BCL2L11: variants seen among roughly 807,000 people sequenced by gnomAD.
BCL2L11 encodes bcl-2-like protein 11.
A neutral mutation model predicts 20.6 loss-of-function variants in BCL2L11; 15 were observed. That is an observed-to-expected ratio of 0.73 (90% CI 0.49 to 1.12). The LOEUF (loss-of-function observed/expected upper bound fraction) is 1.12, where lower values mean the gene tolerates loss of function less well. BCL2L11 is among the 50% of genes most tolerant of loss of function. The pLI, the probability that BCL2L11 is intolerant of heterozygous loss-of-function variation, is 0.00. For synonymous variants in BCL2L11, 108 were observed against 92.8 expected, an observed-to-expected ratio of 1.16 and a Z score of -0.94; for missense variants, 292 against 260.9, an observed-to-expected ratio of 1.12 and a Z score of -0.82.
At chr2:111,122,665 C>G (rs2071366214) in intron 1 of BCL2L11, 1 of 983,620 alleles carries the variant, frequency 1.0e-6, no homozygotes, top group African/African-American at 1.8e-5. Context: ...ATGTTCCCGG[C>G]GGCTGCGGCC....
At chr2:111,122,294 T>C (rs1559001008) in intron 1 of BCL2L11, among the ~76,000 whole-genome samples, 1 of 151,954 alleles carries the variant, frequency 6.6e-6, no homozygotes. Context: ...AAGTCCTGCT[T>C]TGTCTCCAGG....
chr2:111,123,420 G>C (rs776051879), intron 1 of BCL2L11: 1 of 985,478 alleles, frequency 1.0e-6, no homozygotes. Flanking sequence ...GAAGAAGTCT[G>C]TCCTGGGCAA....
At position 111,124,133 on chromosome 2, in the gene BCL2L11, G is replaced by A. The variant is rs779825487; in HGVS notation, c.388G>A (p.Ala130Thr). Residue 130 changes from alanine to threonine, a missense_variant, in exon 2 of 4, where the codon GCA becomes ACA. Ala to Thr is a moderately conservative substitution (Grantham distance 58). Coordinates refer to ENST00000393256, the MANE Select transcript of BCL2L11 (RefSeq NM_138621.5). ...CCAGGCCTTCAACCACTATCTCAGTGCAATGGGTAAGCAATGCCTGGGTAA... is the reference window on the plus strand; with the variant it reads ...CCAGGCCTTCAACCACTATCTCAGTACAATGGGTAAGCAATGCCTGGGTAA... Reference protein sequence around the residue: ...PCQAFNHYLSAMASMRQAEPA... With the variant: ...PCQAFNHYLSTMASMRQAEPA... 1 of 1,608,122 alleles carries A rather than the reference G, an allele frequency of 6.2e-7. No homozygotes were observed. The highest frequency in any genetic ancestry group is 8.5e-7 in the Non-Finnish European group (1 of 1,177,096).
intron 2 of BCL2L11, among the ~76,000 whole-genome samples, chr2:111,134,348 G>A (rs2074477650): frequency 2.0e-5 from 3 of 151,952 alleles, no homozygotes; most frequent in Admixed American, 6.6e-5. Flanking sequence ...GTTGTTCCAG[G>A]TATTACAGTA....
intron 1 of BCL2L11, chr2:111,122,933 G>C (rs979351217): frequency 6.0e-5 from 59 of 985,354 alleles, no homozygotes; most frequent in Middle Eastern, 5.2e-4. Context: ...CGTGAGTTTC[G>C]GTGTGATTGC....
intron 1 of BCL2L11, among the ~76,000 whole-genome samples, 178 bp downstream of exon 1, chr2:111,121,366 C>T (rs2070861336): frequency 6.6e-6 from 1 of 152,022 alleles, no homozygotes; most frequent in Non-Finnish European, 1.5e-5. Context: ...CCCTCTCGGG[C>T]AGGTTCTCTT....
chr2:111,154,400 A>G (rs1426035076), intron 3 of BCL2L11, among the ~76,000 whole-genome samples: 3 of 151,968 alleles, frequency 2.0e-5, no homozygotes, highest in African/African-American at 7.2e-5. Flanking sequence ...CTAAGAGCCA[A>G]TGTAGGATAA....
chr2:111,132,725 C>A (rs568844465), intron 2 of BCL2L11, among the ~76,000 whole-genome samples: 45 of 152,140 alleles, frequency 3.0e-4, no homozygotes, highest in Non-Finnish European at 5.1e-4. Context: ...ACCTACAGAT[C>A]GGGTGAATTC....
At chr2:111,155,879 T>C (rs939622968) in intron 3 of BCL2L11, among the ~76,000 whole-genome samples, 4 of 152,248 alleles carry the variant, frequency 2.6e-5, no homozygotes, top group Admixed American at 1.3e-4. Context: ...GAAGTGCATG[T>C]AGACCAAAAT....
intron 2 of BCL2L11, chr2:111,144,497 A>G (rs1391743199): frequency 6.4e-7 from 1 of 1,550,490 alleles, no homozygotes; most frequent in African/African-American, 1.4e-5. Flanking sequence ...GCTAACTGGG[A>G]CTAGAAACAG....
chr2:111,138,083 A>C (rs933711840), intron 2 of BCL2L11, among the ~76,000 whole-genome samples: 2 of 146,188 alleles, frequency 1.4e-5, no homozygotes, highest in East Asian at 2.0e-4. Flanking sequence ...ATCTCAGCTC[A>C]CTGCACCCTC....
intron 1 of BCL2L11, chr2:111,122,602 T>TGCCGGCGGC: frequency 1.0e-6 from 1 of 984,388 alleles, no homozygotes; most frequent in Non-Finnish European, 1.2e-6. Context: ...AGGTCGGCGG[T>TGCCGGCGGC]GCCGGCGGCG....
At chr2:111,153,894 G>A (rs538004719) in intron 3 of BCL2L11, 1 of 1,548,184 alleles carries the variant, frequency 6.5e-7, no homozygotes, top group Non-Finnish European at 8.7e-7. Flanking sequence ...GAGGAGGTGA[G>A]AGAGGCACAG....
chr2:111,124,960 A>G (rs545180200), intron 2 of BCL2L11, among the ~76,000 whole-genome samples: 2 of 152,332 alleles, frequency 1.3e-5, no homozygotes, highest in South Asian at 4.1e-4. Context: ...TATTTCAGGG[A>G]TTAAAGGCAG....
intron 2 of BCL2L11, among the ~76,000 whole-genome samples, chr2:111,125,377 G>A (rs1279809421): frequency 6.6e-6 from 1 of 152,210 alleles, no homozygotes; most frequent in African/African-American, 2.4e-5. Flanking sequence ...AAAGGTTCAT[G>A]TCTTGATCAG....
chr2:111,132,404 A>T (rs2150333416), intron 2 of BCL2L11: 1 of 152,360 alleles, frequency 6.6e-6, no homozygotes, highest in South Asian at 2.1e-4. Context: ...GTAGGCAAAT[A>T]ATAAAAACTC....
intron 3 of BCL2L11, among the ~76,000 whole-genome samples, chr2:111,151,455 C>T (rs763483718): frequency 2.0e-5 from 3 of 151,964 alleles, no homozygotes; most frequent in Non-Finnish European, 4.4e-5. Flanking sequence ...TCTCTTTTAG[C>T]TCTTTTTTTT....
chr2:111,148,763 C>T (rs149877754), intron 2 of BCL2L11, among the ~76,000 whole-genome samples: 1 of 152,302 alleles, frequency 6.6e-6, no homozygotes, highest in East Asian at 1.9e-4. Context: ...TGATATTCTG[C>T]CTCTCCTAGG....
At chr2:111,158,426 A>T (rs1193258188) in intron 3 of BCL2L11, among the ~76,000 whole-genome samples, 2 of 151,972 alleles carry the variant, frequency 1.3e-5, no homozygotes, top group Non-Finnish European at 2.9e-5. Flanking sequence ...GCCTGTGGGG[A>T]TCAGACACCA....
Sources: allele counts gnomAD v4.1 joint callset (sites outside exome capture counted in the v4.1 genomes callset), GRCh38; gene constraint gnomAD v4.1.1; transcripts MANE v1.5; gene names NCBI Gene and HGNC (gene_info 2026-07-23, HGNC 2026-07-21).